The following SRBD1 variants were observed in gnomAD, a reference collection of about 807,000 sequenced individuals.
SRBD1 encodes the protein S1 RNA binding domain 1.
A neutral mutation model predicts 115.3 loss-of-function variants in SRBD1; 88 were observed. The ratio of observed to expected loss-of-function variants is 0.76; its 90% CI spans 0.64 to 0.91. The LOEUF (loss-of-function observed/expected upper bound fraction) is 0.91. Ranked by LOEUF, SRBD1 falls within the 40% of genes least tolerant of loss-of-function variation. The probability of loss-of-function intolerance (pLI) is 0.00; values close to 1 mark genes in which losing one functional copy is unlikely to be tolerated. For synonymous variants in SRBD1, 509 were observed against 407.7 expected, an observed-to-expected ratio of 1.25 and a Z score of -2.99; for missense variants, 1,385 against 1,177.4, an observed-to-expected ratio of 1.18 and a Z score of -2.58.
intron 16 of SRBD1, among the ~76,000 whole-genome samples, chr2:45,456,120 T>C (rs1484162746): frequency 1.3e-5 from 2 of 151,870 alleles, no homozygotes; most frequent in African/African-American, 2.4e-5. Flanking sequence ...CCCCAGAATA[T>C]AAAAAGCAGT....
chr2:45,579,932 G>C lies in SRBD1; in HGVS notation c.1015C>G (p.Leu339Val), dbSNP rs1156320025. The C allele has an allele frequency of 1.9e-6, 3 of 1,609,592 alleles. No homozygotes were observed. The highest frequency in any genetic ancestry group is 2.5e-6 in the Non-Finnish European group (3 of 1,177,928). Residue 339 changes from leucine (L) to valine (V), a missense_variant, in exon 7 of 21, where the codon CTG (leucine) becomes GTG (valine). Coordinates refer to ENST00000263736, the MANE Select transcript of SRBD1 (RefSeq NM_018079.5). ...QLGLEGAARA[L>V]LEKPGELSLL... ...CTGAGCTCCCCTGGTTTCTCAAGCA[G>C]TGCCCTGGCTGCTCCTTCTAAGCCC...
At chr2:45,390,906 T>C (rs1030180294) in intron 20 of SRBD1, among the ~76,000 whole-genome samples, 3 of 152,236 alleles carry the variant, frequency 2.0e-5, no homozygotes, top group Non-Finnish European at 2.9e-5. Flanking sequence ...TTTTACCTGA[T>C]GCTAAAGCAG....
intron 4 of SRBD1, among the ~76,000 whole-genome samples, chr2:45,590,790 GC>G (rs1673697433): frequency 6.6e-6 from 1 of 152,180 alleles, no homozygotes; most frequent in African/African-American, 2.4e-5. Context: ...GCCGAGGCGT[GC>G]GGATAACCTG....
At chr2:45,583,956 C>G (rs980941291) in intron 5 of SRBD1, among the ~76,000 whole-genome samples, 5 of 152,150 alleles carry the variant, frequency 3.3e-5, no homozygotes, top group Non-Finnish European at 5.9e-5. Flanking sequence ...TATACAGCTC[C>G]TATTTGTCTC....
At chr2:45,493,686 T>C (rs1348048595) in intron 14 of SRBD1, among the ~76,000 whole-genome samples, 1 of 151,736 alleles carries the variant, frequency 6.6e-6, no homozygotes. Flanking sequence ...TGGTGGTACA[T>C]GCCTGTAATC....
rs571868325 is a variant in SRBD1 at position 45,418,500 on chromosome 2, A to G, written c.2198T>C (p.Ile733Thr). Residue 733 changes from isoleucine (I) to threonine (T), a missense_variant, in exon 18 of 21, where the codon ATT (isoleucine) becomes ACT (threonine). Physicochemically the swap from Ile to Thr is moderately conservative, Grantham distance 89. Coordinates refer to ENST00000263736, the MANE Select transcript of SRBD1 (RefSeq NM_018079.5). ...GGGTCCATTTTTCTCTCGCCATTCA[A>G]TAATATTTTTGGCCCTGTTGGCATT... ...GLNANRAKNIIEWREKNGPFI... is the reference protein window; with the variant it reads ...GLNANRAKNITEWREKNGPFI... 1.1e-5 allele frequency: 17 copies of G among 1,613,970 alleles called. No individual in the cohort carries two copies. Among genetic ancestry groups the G allele is most frequent in the Middle Eastern group, 1.7e-4 (1 of 6,060 alleles).
rs573729890 is a variant in SRBD1 at position 45,586,797 on chromosome 2, T to G, written c.649-1023A>C. 7.3e-5 allele frequency among the ~76,000 whole-genome samples: 11 copies of G among 151,562 alleles called. No individual in the cohort carries two copies. In the South Asian group the frequency reaches 1.9e-3, roughly 26 times the overall value. Reference sequence around the variant, plus strand: ...CCTGGGCCCAAGCAATCCTCCCGTCTCAGCCTCCGAAAGTGCTGGGATTAC... The same window carrying G: ...CCTGGGCCCAAGCAATCCTCCCGTCGCAGCCTCCGAAAGTGCTGGGATTAC... On this transcript the variant is annotated intron_variant, in intron 4 of 20. Coordinates refer to ENST00000263736, the MANE Select transcript of SRBD1 (RefSeq NM_018079.5).
intron 14 of SRBD1, among the ~76,000 whole-genome samples, chr2:45,541,303 G>C (rs1053773769): frequency 6.6e-5 from 10 of 152,228 alleles, no homozygotes; most frequent in Non-Finnish European, 1.3e-4. Flanking sequence ...GTCCCAAAGA[G>C]GGTGCCATAG....
chr2:45,413,480 T>G (rs1238416032), intron 18 of SRBD1, among the ~76,000 whole-genome samples, 187 bp from the exon 19 acceptor site: 1 of 152,214 alleles, frequency 6.6e-6, no homozygotes, highest in African/African-American at 2.4e-5. Context: ...TTTCTGTTAC[T>G]TAAAGCCAAA....
intron 19 of SRBD1, among the ~76,000 whole-genome samples, chr2:45,400,895 T>C (rs1203037025): frequency 1.3e-5 from 2 of 152,168 alleles, no homozygotes; most frequent in Non-Finnish European, 2.9e-5. Flanking sequence ...GCCTCCAGAC[T>C]GAGTTAGGGG....
chr2:45,475,487 T>G (rs958305398), intron 16 of SRBD1, among the ~76,000 whole-genome samples: 2 of 152,204 alleles, frequency 1.3e-5, no homozygotes, highest in South Asian at 2.1e-4. Flanking sequence ...GTCTTTCACA[T>G]TAAACGTTAT....
At chr2:45,585,346 T>C (rs545643335) in intron 5 of SRBD1, among the ~76,000 whole-genome samples, 2 of 152,268 alleles carry the variant, frequency 1.3e-5, no homozygotes, top group African/African-American at 4.8e-5. Flanking sequence ...CAACCTTTTC[T>C]ATGAAAGAAG....
chr2:45,486,435 AAGTGGGG>A (rs1290658099), intron 15 of SRBD1, among the ~76,000 whole-genome samples: 2 of 152,066 alleles, frequency 1.3e-5, no homozygotes, highest in Non-Finnish European at 2.9e-5. Context: ...CCTATTTTAG[AAGTGGGG>A]ATAGGCTGGG....
chr2:45,413,016 G>T (rs962564718), intron 19 of SRBD1, 98 bp downstream of exon 19: 3 of 1,354,256 alleles, frequency 2.2e-6, no homozygotes, highest in African/African-American at 2.9e-5. Context: ...ACATTAAACG[G>T]TCATATTTTT....
At position 45,545,315 on chromosome 2, in the gene SRBD1, A is replaced by AAAAAAAAAAAAAAAAAAC. The variant is rs1209226372; in HGVS notation, c.1874+1416_1874+1417insGTTTTTTTTTTTTTTTTT. ...AAAAAAAAAAAAAAAAAAAAAAAAA[A>AAAAAAAAAAAAAAAAAAC]CAGATGAACCCAGATTTGTCTGACC... On this transcript the variant is annotated intron_variant, in intron 14 of 20. Transcript: ENST00000263736. 6.5e-5 allele frequency among the ~76,000 whole-genome samples: 8 copies of AAAAAAAAAAAAAAAAAAC among 123,574 alleles called. No homozygotes were observed. The East Asian group carries it at 1.3e-3, about 19-fold the overall frequency. The allele number at this position is 123,574 out of a possible 152,430, so 81.1% of individuals were successfully genotyped here.
Position 45,573,243 on chromosome 2 carries a change from A to C in SRBD1, c.1269T>G (p.His423Gln). 6.2e-7 allele frequency: 1 copy of C among 1,610,756 alleles called. No individual in the cohort carries two copies. The highest frequency in any genetic ancestry group is 8.5e-7 in the Non-Finnish European group (1 of 1,178,832). ...GAATGTTTCTTATGTTGCAGGAAAAATGCTGGTAGAGCAGAAACTTATCAA... is the reference window on the plus strand; with the variant it reads ...GAATGTTTCTTATGTTGCAGGAAAACTGCTGGTAGAGCAGAAACTTATCAA... Reference protein sequence around the residue: ...KDVDKFLLYQHFSCNIRNIHH... With the variant: ...KDVDKFLLYQQFSCNIRNIHH... Residue 423 changes from histidine to glutamine, a missense_variant, in exon 9 of 21, where the codon CAT (histidine) becomes CAG (glutamine). Physicochemically the swap from His to Gln is conservative, Grantham distance 24. Coordinates refer to ENST00000263736, the MANE Select transcript of SRBD1 (RefSeq NM_018079.5).
At chr2:45,547,690 T>C in intron 12 of SRBD1, 78 bp from the exon 13 acceptor site, 1 of 1,250,168 alleles carries the variant, frequency 8.0e-7, no homozygotes, top group African/African-American at 1.5e-5. Context: ...TTAAGCAAGT[T>C]GTAACAGAAA....
intron 9 of SRBD1, among the ~76,000 whole-genome samples, chr2:45,567,079 A>T (rs1572785863): frequency 6.6e-6 from 1 of 152,184 alleles, no homozygotes; most frequent in Non-Finnish European, 1.5e-5. Context: ...TATTACCACA[A>T]AATAATTCTA....
chr2:45,598,381 G>T lies in SRBD1; in HGVS notation c.648+1068C>A, dbSNP rs185115048. Among the ~76,000 whole-genome samples the T allele has an allele frequency of 7.2e-5, 11 of 152,194 alleles. No individual in the cohort carries two copies. In the East Asian group the frequency reaches 2.1e-3, roughly 29 times the overall value. The stretch of plus-strand genomic sequence containing the variant: ...TGTAATCCCAGCACTTTGGGAGGCC[G>T]AGGCGGGCAGATCACGAGGCAGGCA... On this transcript the variant is annotated intron_variant, in intron 4 of 20. Coordinates refer to ENST00000263736, the MANE Select transcript of SRBD1 (RefSeq NM_018079.5).
Sources: gnomAD v4.1 joint callset for allele counts (sites outside exome capture counted in the v4.1 genomes callset) on GRCh38, gnomAD v4.1.1 for gene constraint, MANE v1.5 for transcripts, NCBI Gene and HGNC (gene_info 2026-07-23, HGNC 2026-07-21) for gene names.